RBFOX1: variants seen among roughly 807,000 people sequenced by gnomAD.
The protein encoded by RBFOX1 is RNA binding protein fox-1 homolog 1.
A neutral mutation model predicts 57.7 loss-of-function variants in RBFOX1; 8 were observed. The ratio of observed to expected loss-of-function variants is 0.14; its 90% CI spans 0.08 to 0.25. The LOEUF (loss-of-function observed/expected upper bound fraction) is 0.25, where lower values mean the gene tolerates loss of function less well. Among genes scored for constraint, RBFOX1 ranks in the 10% least tolerant of loss-of-function variants. The probability of loss-of-function intolerance (pLI) is 1.00; values close to 1 mark genes in which losing one functional copy is unlikely to be tolerated. For missense variants in RBFOX1, 611 were observed against 548.5 expected (o/e 1.11, Z -1.14); for synonymous variants, 326 against 222.4 (o/e 1.47, Z -4.15).
At chr16:5,906,102 C>T (rs931366877) in intron 4 of RBFOX1, among the ~76,000 whole-genome samples, 9 of 152,112 alleles carry the variant, frequency 5.9e-5, no homozygotes, top group Non-Finnish European at 1.2e-4. Context: ...TGGCAGCAAA[C>T]ACCTCAACTG....
chr16:6,541,440 G>A (rs2096817012), intron 2 of RBFOX1, among the ~76,000 whole-genome samples: 1 of 152,192 alleles, frequency 6.6e-6, no homozygotes, highest in Non-Finnish European at 1.5e-5. Flanking sequence ...GTTGGTCACA[G>A]TGCAGGGATC....
chr16:7,358,610 G>C (rs191459828), intron 4 of RBFOX1, among the ~76,000 whole-genome samples: 3 of 152,232 alleles, frequency 2.0e-5, no homozygotes, highest in South Asian at 4.1e-4. Context: ...TGTAGAGACA[G>C]GGTTTCACCA....
At chr16:5,853,533 C>G (rs932086796) in intron 3 of RBFOX1, among the ~76,000 whole-genome samples, 1 of 152,174 alleles carries the variant, frequency 6.6e-6, no homozygotes, top group African/African-American at 2.4e-5. Flanking sequence ...CAGACCCTGA[C>G]TTGGAGATCT....
intron 3 of RBFOX1, among the ~76,000 whole-genome samples, chr16:6,679,135 A>C (rs1251278435): frequency 6.6e-6 from 1 of 152,134 alleles, no homozygotes; most frequent in East Asian, 1.9e-4. Flanking sequence ...CCAGAATTTC[A>C]CAACTGAGGA....
intron 2 of RBFOX1, among the ~76,000 whole-genome samples, chr16:5,568,927 G>A (rs867467232): frequency 2.6e-5 from 4 of 152,006 alleles, no homozygotes; most frequent in African/African-American, 4.8e-5. Flanking sequence ...TGCAACCTCC[G>A]CCCGCTGGGT....
At chr16:7,253,320 G>A (rs913877426) in intron 4 of RBFOX1, among the ~76,000 whole-genome samples, 2 of 152,172 alleles carry the variant, frequency 1.3e-5, no homozygotes, top group African/African-American at 4.8e-5. Context: ...TGATGTCAGT[G>A]GCAACAAGGA....
At position 6,865,245 on chromosome 16, in the gene RBFOX1, C is replaced by T. The variant is rs138658034; in HGVS notation, c.-15-186812C>T. On this transcript the variant is annotated intron_variant, in intron 3 of 15. Transcript: ENST00000550418. ...CTCGAACTCCTGACCTCAGGTGATC[C>T]ACCCGCCTTGGCCTCCCACAGTACT... Among the ~76,000 whole-genome samples, 701 of 151,978 alleles carry T rather than the reference C, an allele frequency of 4.6e-3. 3 individuals carry two copies. Among genetic ancestry groups the T allele is most frequent in the African/African-American group, 0.016 (672 of 41,438 alleles).
At position 7,332,628 on chromosome 16, in the gene RBFOX1, T is replaced by C. The variant is rs118178079; in HGVS notation, c.28-185519T>C. The C allele has an allele frequency of 1.8e-3, 638 of 347,792 alleles. 5 individuals carry two copies. In the East Asian group the frequency reaches 0.023, roughly 12 times the overall value. 21.5% of individuals were successfully genotyped at this position (347,792 alleles called of 1,614,324 possible). A position where few individuals can be genotyped will look rare whatever the true frequency, so the allele number is the denominator to read the frequency against. ...TTCAGTAGGATGAGCTTATATCTCATAGCCTGGTTCCCTCTGTCACTTGGT... is the reference window on the plus strand; with the variant it reads ...TTCAGTAGGATGAGCTTATATCTCACAGCCTGGTTCCCTCTGTCACTTGGT... On this transcript the variant is annotated intron_variant, in intron 4 of 15. Transcript: ENST00000550418.
At chr16:6,814,566 A>C (rs900355350) in intron 3 of RBFOX1, among the ~76,000 whole-genome samples, 11 of 152,166 alleles carry the variant, frequency 7.2e-5, no homozygotes. Context: ...AGTTACACTG[A>C]TGAGCATGAT....
chr16:6,550,775 C>G (rs999155836), intron 2 of RBFOX1, among the ~76,000 whole-genome samples: 3 of 152,194 alleles, frequency 2.0e-5, no homozygotes, highest in African/African-American at 7.2e-5. Flanking sequence ...GAATTTATGT[C>G]TTTCTTGAGA....
intron 2 of RBFOX1, among the ~76,000 whole-genome samples, chr16:6,433,846 C>CTTTTTTTT (rs201617630): frequency 1.4e-4 from 18 of 127,156 alleles, no homozygotes; most frequent in Middle Eastern, 4.5e-3. Context: ...TTTCATTTTT[C>CTTTTTTTT]TTTTTTTTTT....
intron 3 of RBFOX1, among the ~76,000 whole-genome samples, chr16:6,986,280 A>T (rs1157917150): frequency 6.6e-6 from 1 of 151,754 alleles, no homozygotes; most frequent in Non-Finnish European, 1.5e-5. Context: ...GGCTCACTGC[A>T]ACCTGTGCCT....
intron 4 of RBFOX1, among the ~76,000 whole-genome samples, chr16:7,163,393 G>T (rs2078790121): frequency 6.6e-6 from 1 of 152,144 alleles, no homozygotes; most frequent in Non-Finnish European, 1.5e-5. Context: ...ACACAGTTGA[G>T]GAAATTTCAT....
chr16:6,285,891 A>G (rs1362775423), intron 1 of RBFOX1, among the ~76,000 whole-genome samples: 1 of 152,202 alleles, frequency 6.6e-6, no homozygotes, highest in African/African-American at 2.4e-5. Flanking sequence ...AAGGAACGCA[A>G]CAATAAATCA....
intron 2 of RBFOX1, among the ~76,000 whole-genome samples, chr16:6,497,488 A>C (rs1016909889): frequency 6.6e-6 from 1 of 152,096 alleles, no homozygotes; most frequent in Non-Finnish European, 1.5e-5. Flanking sequence ...CAGCTCTTCA[A>C]AATGCCGCAA....
At chr16:7,666,977 C>T (rs1339173720) in intron 13 of RBFOX1, among the ~76,000 whole-genome samples, 1 of 152,156 alleles carries the variant, frequency 6.6e-6, no homozygotes, top group East Asian at 1.9e-4. Context: ...CATAAAACTG[C>T]CCTTTCTCTG....
chr16:7,083,385 G>A (rs12444703), intron 4 of RBFOX1, among the ~76,000 whole-genome samples: 2,884 of 152,072 alleles, frequency 0.019, 47 homozygotes, highest in South Asian at 0.037. Context: ...GAATGAATGG[G>A]TGCAAACTGA....
chr16:5,410,232 A>C (rs759277339), intron 1 of RBFOX1, among the ~76,000 whole-genome samples: 7 of 151,810 alleles, frequency 4.6e-5, no homozygotes, highest in Non-Finnish European at 1.5e-5. Context: ...TTAGCTGGGC[A>C]TGGTGGTGTG....
chr16:6,612,766 T>A (rs2098080939), intron 2 of RBFOX1, among the ~76,000 whole-genome samples: 1 of 150,710 alleles, frequency 6.6e-6, no homozygotes, highest in Non-Finnish European at 1.5e-5. Flanking sequence ...GCAGGAGAAT[T>A]ACTTGAACCT....
Sources: allele counts gnomAD v4.1 joint callset (sites outside exome capture counted in the v4.1 genomes callset), GRCh38; gene constraint gnomAD v4.1.1; transcripts MANE v1.5; gene names NCBI Gene and HGNC (gene_info 2026-07-23, HGNC 2026-07-21).